CCDC88A: variants seen among roughly 807,000 people sequenced by gnomAD.
CCDC88A encodes girdin.
In CCDC88A, 54 loss-of-function variants were observed where a neutral mutation model predicts 234.3. The ratio of observed to expected loss-of-function variants is 0.23; its 90% CI spans 0.19 to 0.29. The LOEUF (loss-of-function observed/expected upper bound fraction) is 0.29, where lower values mean the gene tolerates loss of function less well. Among genes scored for constraint, CCDC88A ranks in the 10% least tolerant of loss-of-function variants. The pLI is 1.00. For missense variants in CCDC88A, 1,832 were observed against 2,123.4 expected (o/e 0.86, Z 2.70); for synonymous variants, 753 against 737.8 (o/e 1.02, Z -0.33).
At chr2:55,375,640 G>A (rs538635131) in intron 3 of CCDC88A, among the ~76,000 whole-genome samples, 38 of 150,984 alleles carry the variant, frequency 2.5e-4, no homozygotes, top group African/African-American at 6.6e-4. Context: ...CAATCCTCCC[G>A]CCTCAGCCTC....
intron 2 of CCDC88A, among the ~76,000 whole-genome samples, chr2:55,401,022 C>A (rs1678522254): frequency 6.6e-6 from 1 of 152,000 alleles, no homozygotes; most frequent in African/African-American, 2.4e-5. Flanking sequence ...TAAACAGCAC[C>A]ACCATTAAGG....
chr2:55,401,949 C>G (rs1461606071), intron 2 of CCDC88A, among the ~76,000 whole-genome samples: 1 of 151,996 alleles, frequency 6.6e-6, no homozygotes, highest in Non-Finnish European at 1.5e-5. Context: ...TATACATATA[C>G]TTTACTTTGG....
chr2:55,396,661 G>C (rs1371253833), intron 2 of CCDC88A, among the ~76,000 whole-genome samples: 1 of 152,076 alleles, frequency 6.6e-6, no homozygotes, highest in African/African-American at 2.4e-5. Flanking sequence ...ACGAGGTCTG[G>C]AGATCGAGAC....
At chr2:55,319,392 G>C (rs979325871) in intron 18 of CCDC88A, among the ~76,000 whole-genome samples, 1 of 152,098 alleles carries the variant, frequency 6.6e-6, no homozygotes, top group African/African-American at 2.4e-5. Context: ...CAACCATGGA[G>C]GTCTAACTTT....
intron 7 of CCDC88A, 68 bp from the exon 8 acceptor site, chr2:55,355,819 C>T: frequency 8.0e-7 from 1 of 1,243,496 alleles, no homozygotes. Context: ...CAACATGATC[C>T]ACTAGGTCTA....
chr2:55,307,373 T>TG (rs1681729131), intron 25 of CCDC88A, among the ~76,000 whole-genome samples: 2 of 151,792 alleles, frequency 1.3e-5, no homozygotes, highest in African/African-American at 4.8e-5. Context: ...TTTTTTTTTT[T>TG]TTTGAGAGAG....
rs1447729991 is a variant in CCDC88A at position 55,328,846 on chromosome 2, C to A, written c.2856-411G>T. On this transcript the variant is annotated intron_variant, in intron 16 of 32. Transcript: ENST00000436346. This position sits in a 1 kb window ranked among gnomAD's most constrained non-coding sequence, Gnocchi z 4.3. ...AGTGCAATGGCATAATCTCGGCTCA[C>A]CGCAACCTCCGCTTCCCGTGTTCAA... The A allele has an allele frequency of 6.5e-6, 1 of 154,596 alleles. No individual in the cohort carries two copies. Among genetic ancestry groups the A allele is most frequent in the Admixed American group, 6.5e-5 (1 of 15,310 alleles). The allele number at this position is 154,596 out of a possible 1,614,324, so 9.6% of individuals were successfully genotyped here.
intron 25 of CCDC88A, among the ~76,000 whole-genome samples, chr2:55,304,912 A>C (rs1681352207): frequency 6.6e-6 from 1 of 152,264 alleles, no homozygotes. Context: ...CGTGTAAATA[A>C]TCACAGCTCT....
chr2:55,377,823 GTCTC>G (rs34054904), intron 3 of CCDC88A, among the ~76,000 whole-genome samples: 45,777 of 151,394 alleles, frequency 0.3, 7,253 homozygotes, highest in East Asian at 0.55. Flanking sequence ...GGTCAGGCTG[GTCTC>G]TAACTCCTGA....
rs763975738 is a variant in CCDC88A at position 55,363,926 on chromosome 2, G to A, written c.486+24C>T. On this transcript the variant is annotated intron_variant, in intron 6 of 32. Transcript: ENST00000436346. ...ACACCACAAGCTTCATAAATAGCAC[G>A]TAAAATTGTATATATGTCATTACCT... 2.3e-5 allele frequency: 31 copies of A among 1,343,132 alleles called. No homozygotes were observed. In the Admixed American group the frequency reaches 2.8e-4, roughly 12 times the overall value. 83.2% of individuals were successfully genotyped at this position (1,343,132 alleles called of 1,614,324 possible).
intron 2 of CCDC88A, among the ~76,000 whole-genome samples, chr2:55,397,595 G>C (rs567457106): frequency 2.6e-5 from 4 of 151,956 alleles, no homozygotes; most frequent in African/African-American, 9.7e-5. Context: ...TGAACATATA[G>C]TAATATCATT....
rs1290585869 is a variant in CCDC88A, at chr2:55,287,856, A to T, written c.*3344T>A. On this transcript the variant is annotated 3_prime_UTR_variant, in exon 33 of 33. Transcript: ENST00000436346. ...TTACTAACCAGTTGTTACAAAAATC[A>T]CCTCTTGGTTTTATTTCTTTTTATA... 6.6e-6 allele frequency: 1 copy of T among 152,204 alleles called. No individual in the cohort carries two copies. Among genetic ancestry groups the T allele is most frequent in the African/African-American group, 2.4e-5 (1 of 41,422 alleles). 9.4% of individuals were successfully genotyped at this position (152,204 alleles called of 1,614,324 possible). A position where few individuals can be genotyped will look rare whatever the true frequency, so the allele number is the denominator to read the frequency against.
At position 55,415,802 on chromosome 2, in the gene CCDC88A, A is replaced by G. The variant is rs527582388; in HGVS notation, c.164+3014T>C. Among the ~76,000 whole-genome samples the G allele has an allele frequency of 6.8e-4, 103 of 152,322 alleles. 1 individual carries two copies. In the South Asian group the frequency reaches 0.021, roughly 32 times the overall value. On this transcript the variant is annotated intron_variant, in intron 2 of 32. Transcript: ENST00000436346. ...CCTGTTTCCACCAGCTGGAGTATTCAGAGGGGTTTTGCCTCAACAGTGTGA... is the reference window on the plus strand; with the variant it reads ...CCTGTTTCCACCAGCTGGAGTATTCGGAGGGGTTTTGCCTCAACAGTGTGA...
At chr2:55,312,137 T>C (rs1418352298) in intron 23 of CCDC88A, among the ~76,000 whole-genome samples, 3 of 152,158 alleles carry the variant, frequency 2.0e-5, no homozygotes, top group Non-Finnish European at 4.4e-5. Context: ...ACTAAGATAT[T>C]CCTGCCCCTA....
chr2:55,338,346 A>T (rs1382087212), intron 13 of CCDC88A, among the ~76,000 whole-genome samples: 1 of 152,240 alleles, frequency 6.6e-6, no homozygotes, highest in South Asian at 2.1e-4. Context: ...GCCTCTGAAT[A>T]ATCTAAAGCA....
At chr2:55,416,443 A>ATATATGT (rs1553442860) in intron 2 of CCDC88A, among the ~76,000 whole-genome samples, 1 of 15,838 alleles carries the variant, frequency 6.3e-5, no homozygotes, top group African/African-American at 1.7e-4. Flanking sequence ...TAAATAAATA[A>ATATATGT]ATATATATAT....
intron 7 of CCDC88A, among the ~76,000 whole-genome samples, chr2:55,357,149 CTG>C (rs1558734340): frequency 6.6e-6 from 1 of 152,176 alleles, no homozygotes; most frequent in Non-Finnish European, 1.5e-5. Flanking sequence ...CAGTAAGTAA[CTG>C]AGGCACAGTG....
At chr2:55,321,193 C>G (rs561264918) in intron 18 of CCDC88A, 1 of 151,518 alleles carries the variant, frequency 6.6e-6, no homozygotes, top group South Asian at 2.1e-4. Context: ...CACACACACA[C>G]GTATATATCC....
At chr2:55,306,828 A>C (rs1205591156) in intron 25 of CCDC88A, among the ~76,000 whole-genome samples, 1 of 152,104 alleles carries the variant, frequency 6.6e-6, no homozygotes, top group East Asian at 1.9e-4. Flanking sequence ...TGCCCGCCTC[A>C]GCCTCCCAAA....
Sources: allele counts gnomAD v4.1 joint callset (sites outside exome capture counted in the v4.1 genomes callset), GRCh38; gene constraint gnomAD v4.1.1; non-coding constraint Gnocchi (gnomAD v3.1); transcripts MANE v1.5; gene names NCBI Gene and HGNC (gene_info 2026-07-23, HGNC 2026-07-21).